Variants in CNTN4 observed in about 807,000 individuals in gnomAD.
CNTN4 encodes the protein contactin-4.
CNTN4 carries 77 observed loss-of-function variants against 122.5 expected under a neutral mutation model. That is an observed-to-expected ratio of 0.63 (90% CI 0.52 to 0.76). The LOEUF (loss-of-function observed/expected upper bound fraction) is 0.76. Among genes scored for constraint, CNTN4 ranks in the 30% least tolerant of loss-of-function variants. CNTN4 has a pLI of 0.00. For missense variants in CNTN4, 1,256 were observed against 1,259.1 expected (o/e 1.00, Z 0.04); for synonymous variants, 512 against 447.0 (o/e 1.15, Z -1.83).
intron 2 of CNTN4, among the ~76,000 whole-genome samples, chr3:2,263,719 G>A (rs1282911220): frequency 6.6e-6 from 1 of 151,552 alleles, no homozygotes; most frequent in South Asian, 2.1e-4. Context: ...TCAAATATTA[G>A]AACTTATTTC....
At chr3:2,346,256 T>A (rs1243955877) in intron 3 of CNTN4, among the ~76,000 whole-genome samples, 1 of 152,124 alleles carries the variant, frequency 6.6e-6, no homozygotes, top group Non-Finnish European at 1.5e-5. Context: ...AATTTTAACC[T>A]TAGCAAAGTC....
intron 2 of CNTN4, among the ~76,000 whole-genome samples, chr3:2,268,073 A>T (rs925731578): frequency 2.6e-5 from 4 of 152,110 alleles, no homozygotes; most frequent in African/African-American, 7.2e-5. Flanking sequence ...TGACCTGAAG[A>T]TGTTTTACTA....
At chr3:2,628,689 T>C (rs1458874493) in intron 4 of CNTN4, among the ~76,000 whole-genome samples, 1 of 152,180 alleles carries the variant, frequency 6.6e-6, no homozygotes, top group East Asian at 1.9e-4. Flanking sequence ...ATCTCCAAAA[T>C]CAGTTGAACA....
intron 14 of CNTN4, among the ~76,000 whole-genome samples, chr3:3,020,458 G>A (rs764996660): frequency 3.9e-5 from 6 of 152,186 alleles, no homozygotes; most frequent in African/African-American, 7.2e-5. Context: ...GATCACCAGC[G>A]AACAGGGTGG....
intron 4 of CNTN4, among the ~76,000 whole-genome samples, chr3:2,583,250 A>G (rs2080029071): frequency 1.3e-5 from 2 of 152,216 alleles, no homozygotes; most frequent in Admixed American, 6.5e-5. Flanking sequence ...AACTCATTGC[A>G]GCAGATATGT....
chr3:2,982,609 C>T (rs994472032), intron 13 of CNTN4, among the ~76,000 whole-genome samples: 1 of 152,066 alleles, frequency 6.6e-6, no homozygotes, highest in Non-Finnish European at 1.5e-5. Flanking sequence ...TTTAGCAATC[C>T]CAGCAGAAAG....
chr3:2,291,835 G>A (rs111806521), intron 2 of CNTN4, among the ~76,000 whole-genome samples: 1,824 of 152,220 alleles, frequency 0.012, 23 homozygotes, highest in African/African-American at 0.041. Context: ...CCAGGTTGAA[G>A]AGATTTTCCT....
intron 2 of CNTN4, among the ~76,000 whole-genome samples, chr3:2,116,971 G>T (rs949669827): frequency 6.6e-6 from 1 of 152,044 alleles, no homozygotes; most frequent in African/African-American, 2.4e-5. Context: ...ATTTGTGGGG[G>T]AATCACCCAC....
intron 2 of CNTN4, among the ~76,000 whole-genome samples, chr3:2,314,421 C>T (rs974926401): frequency 1.3e-5 from 2 of 151,626 alleles, no homozygotes; most frequent in Non-Finnish European, 2.9e-5. Flanking sequence ...AGAAACTGAC[C>T]TACATACATA....
At chr3:2,667,868 T>A (rs2084264224) in intron 4 of CNTN4, among the ~76,000 whole-genome samples, 2 of 152,122 alleles carry the variant, frequency 1.3e-5, no homozygotes, top group South Asian at 4.1e-4. Context: ...CCATTTCTTG[T>A]TTTTATCAGG....
Position 2,263,397 on chromosome 3 carries a change from A to T in CNTN4, c.-144-75781A>T, listed in dbSNP as rs1422132982. On this transcript the variant is annotated intron_variant, in intron 2 of 24. Transcript: ENST00000418658. ...ATGAGACTGATTTTTTACATTTTAA[A>T]ACAAATGCACCCAACCATTGTTTAT... Among the ~76,000 whole-genome samples, 4 of 152,144 alleles carry T rather than the reference A, an allele frequency of 2.6e-5. No individual in the cohort carries two copies. In the East Asian group the frequency reaches 7.7e-4, roughly 29 times the overall value.
At position 2,197,730 on chromosome 3, in the gene CNTN4, T is replaced by C. The variant is rs1482348237; in HGVS notation, c.-145+97091T>C. ...GATACATACTTTTTAAACTAGAGAA[T>C]TCTGTCCAGGCACGGTGGCTCATGC... On this transcript the variant is annotated intron_variant, in intron 2 of 24. Transcript: ENST00000418658. Among the ~76,000 whole-genome samples the C allele has an allele frequency of 2.0e-5, 3 of 152,070 alleles. No individual in the cohort carries two copies. In the East Asian group the frequency reaches 5.8e-4, roughly 29 times the overall value.
intron 13 of CNTN4, among the ~76,000 whole-genome samples, chr3:2,976,308 G>A (rs764861017): frequency 6.6e-6 from 1 of 152,156 alleles, no homozygotes; most frequent in Non-Finnish European, 1.5e-5. Flanking sequence ...AATCAAACCA[G>A]GTTAAACAAA....
intron 13 of CNTN4, among the ~76,000 whole-genome samples, chr3:2,968,333 GA>G (rs985984022): frequency 3.9e-5 from 6 of 151,950 alleles, no homozygotes; most frequent in Admixed American, 2.6e-4. Flanking sequence ...CAAAACCAAG[GA>G]AAAAAATGTG....
intron 2 of CNTN4, among the ~76,000 whole-genome samples, chr3:2,186,419 G>A (rs1057006315): frequency 6.6e-6 from 1 of 152,170 alleles, no homozygotes; most frequent in Admixed American, 6.5e-5. Context: ...ATAGCAGCAT[G>A]ATTTATATTC....
At chr3:2,373,249 C>T (rs1164936017) in intron 3 of CNTN4, among the ~76,000 whole-genome samples, 6 of 152,140 alleles carry the variant, frequency 3.9e-5, no homozygotes, top group South Asian at 2.1e-4. Context: ...GTAGGCCCCA[C>T]GTGGGTTAAG....
At chr3:2,153,856 G>T (rs891338722) in intron 2 of CNTN4, among the ~76,000 whole-genome samples, 3 of 152,074 alleles carry the variant, frequency 2.0e-5, no homozygotes, top group Non-Finnish European at 2.9e-5. Flanking sequence ...AATTTCACAT[G>T]GGGTAATGGT....
chr3:2,479,769 G>T (rs2075937019), intron 3 of CNTN4, among the ~76,000 whole-genome samples: 1 of 152,188 alleles, frequency 6.6e-6, no homozygotes, highest in Non-Finnish European at 1.5e-5. Flanking sequence ...ATTTGGACGG[G>T]TGAGCGTGTT....
intron 4 of CNTN4, among the ~76,000 whole-genome samples, chr3:2,626,851 G>A (rs902692411): frequency 6.6e-6 from 1 of 152,192 alleles, no homozygotes; most frequent in Non-Finnish European, 1.5e-5. Context: ...GGAAGCAAGC[G>A]TCTAGGCCTC....
Sources: allele counts gnomAD v4.1 joint callset (sites outside exome capture counted in the v4.1 genomes callset), GRCh38; gene constraint gnomAD v4.1.1; transcripts MANE v1.5; gene names NCBI Gene and HGNC (gene_info 2026-07-23, HGNC 2026-07-21).